AMMECR1L: variants seen among roughly 807,000 people sequenced by gnomAD.
AMMECR1L encodes AMMECR1 like.
AMMECR1L carries 4 observed loss-of-function variants against 36.8 expected under a neutral mutation model. That is an observed-to-expected ratio of 0.11 (90% confidence interval 0.05 to 0.25). The LOEUF (loss-of-function observed/expected upper bound fraction) is 0.25. AMMECR1L is among the 10% of genes least tolerant of loss of function. The probability of loss-of-function intolerance (pLI) is 1.00; values close to 1 mark genes in which losing one functional copy is unlikely to be tolerated. For missense variants in AMMECR1L, 232 were observed against 392.1 expected, an observed-to-expected ratio of 0.59 and a Z score of 3.45; for synonymous variants, 147 against 148.0, an observed-to-expected ratio of 0.99 and a Z score of 0.05.
rs1690862789 is a variant in AMMECR1L at position 127,869,572 on chromosome 2, T to C, written c.634-28A>G. The stretch of plus-strand genomic sequence containing the variant: ...ATAGAAAAAAGTACAACCAAGTAAA[T>C]GGCATTTACTTACTCTAATGGAACT... On this transcript the variant is annotated intron_variant, in intron 5 of 7. Coordinates refer to ENST00000272647, the MANE Select transcript of AMMECR1L (RefSeq NM_001199140.2). The surrounding 1 kb of genome is among the most constrained non-coding windows in gnomAD (Gnocchi z 4.7). 3.2e-6 allele frequency: 5 copies of C among 1,563,628 alleles called. No individual in the cohort carries two copies. The highest frequency in any genetic ancestry group is 4.5e-5 in the East Asian group (2 of 44,640).
In AMMECR1L at chr2:127,863,848, G is replaced by C. The variant is rs1017947921; in HGVS notation, c.*1246C>G. 6.6e-6 allele frequency: 1 copy of C among 152,630 alleles called. No homozygotes were observed. The allele number at this position is 152,630 out of a possible 1,614,324, so 9.5% of individuals were successfully genotyped here. A position where few individuals can be genotyped will look rare whatever the true frequency, so the allele number is the denominator to read the frequency against. ...GAGAGAGGAAAAAATTGCTGACAGCGATTTGGAAATCAGCAACAATGGGAA... is the reference window on the plus strand; with the variant it reads ...GAGAGAGGAAAAAATTGCTGACAGCCATTTGGAAATCAGCAACAATGGGAA... On this transcript the variant is annotated 3_prime_UTR_variant, in exon 8 of 8. Coordinates refer to ENST00000272647, the MANE Select transcript of AMMECR1L (RefSeq NM_001199140.2).
Position 127,866,702 on chromosome 2 carries a change from G to T in AMMECR1L, c.821+198C>A, listed in dbSNP as rs6745419. Among the ~76,000 whole-genome samples the T allele has an allele frequency of 6.7e-3, 1,027 of 152,260 alleles. 12 individuals carry two copies. The highest frequency in any genetic ancestry group is 0.023 in the African/African-American group (949 of 41,552). On this transcript the variant is annotated intron_variant, in intron 7 of 7. Coordinates refer to ENST00000272647, the MANE Select transcript of AMMECR1L (RefSeq NM_001199140.2). The stretch of plus-strand genomic sequence containing the variant: ...CTGCCCTGCTCCAACTGTGCCCCCA[G>T]CTCAGCTATGGAGACACACAGGATG...
Position 127,867,007 on chromosome 2 carries a change from G to C in AMMECR1L, c.725-11C>G, listed in dbSNP as rs1690715260. 6.2e-7 allele frequency: 1 copy of C among 1,613,846 alleles called. No homozygotes were observed. The highest frequency in any genetic ancestry group is 8.5e-7 in the Non-Finnish European group (1 of 1,179,834). ...GGATCTGATCCCAGTCTGGGGAGGA[G>C]AAAGGCCACACTGAGGTCAATGCAC... is the stretch of plus-strand genomic sequence containing the variant. On this transcript the variant is annotated splice_polypyrimidine_tract_variant and intron_variant, in intron 6 of 7. Coordinates refer to ENST00000272647, the MANE Select transcript of AMMECR1L (RefSeq NM_001199140.2).
At chr2:127,881,714 A>G (rs557356668) in intron 2 of AMMECR1L, among the ~76,000 whole-genome samples, 73 of 152,386 alleles carry the variant, frequency 4.8e-4, no homozygotes, top group Non-Finnish European at 9.0e-4. Context: ...TGATAAAAGT[A>G]GCGTTGGTTA....
At chr2:127,877,674 G>C (rs553137429) in intron 2 of AMMECR1L, among the ~76,000 whole-genome samples, 1 of 152,298 alleles carries the variant, frequency 6.6e-6, no homozygotes, top group East Asian at 1.9e-4. Flanking sequence ...GTATCAGGCT[G>C]TATGGCCTGG....
rs530434216 is a variant in AMMECR1L at position 127,863,184 on chromosome 2, C to G, written c.*1910G>C. On this transcript the variant is annotated 3_prime_UTR_variant, in exon 8 of 8. Coordinates refer to ENST00000272647, the MANE Select transcript of AMMECR1L (RefSeq NM_001199140.2). ...AGTCCAGAGCTGACCACCCTGACATCGATCCATGGCACCTAAGAGTAACCG... is the reference window on the plus strand; with the variant it reads ...AGTCCAGAGCTGACCACCCTGACATGGATCCATGGCACCTAAGAGTAACCG... The G allele has an allele frequency of 2.6e-5, 4 of 152,642 alleles. No individual in the cohort carries two copies. The East Asian group carries it at 7.7e-4, about 29-fold the overall frequency. The allele number at this position is 152,642 out of a possible 1,614,324, so 9.5% of individuals were successfully genotyped here.
chr2:127,877,953 G>A (rs1475250367), intron 2 of AMMECR1L, among the ~76,000 whole-genome samples: 1 of 152,066 alleles, frequency 6.6e-6, no homozygotes, highest in African/African-American at 2.4e-5. Context: ...AGCTACACAG[G>A]AGGCTGAAGC....
rs781212755 is a variant in AMMECR1L at position 127,874,271 on chromosome 2, C to T, written c.-37G>A. The T allele has an allele frequency of 6.3e-7, 1 of 1,593,616 alleles. No homozygotes were observed. The highest frequency in any genetic ancestry group is 1.1e-5 in the South Asian group (1 of 87,196). ...GCTCAAGGTCTGGAATGCTGCAGAA[C>T]CCTAACCAAAATGAGAAGTTAAGCA... On this transcript the variant is annotated splice_region_variant and 5_prime_UTR_variant, in exon 3 of 8. Transcript: ENST00000272647. The surrounding 1 kb of genome is among the most constrained non-coding windows in gnomAD (Gnocchi z 5.2).
chr2:127,871,539 G>C lies in AMMECR1L; in HGVS notation c.408-180C>G, dbSNP rs531506466. On this transcript the variant is annotated intron_variant, in intron 3 of 7. Transcript: ENST00000272647. The surrounding 1 kb of genome is among the most constrained non-coding windows in gnomAD (Gnocchi z 4.3). ...AACGGCACAGCCCCTGGCTGGAAAC[G>C]GGAAACCTACAAGGCAGCATAAGGA... Among the ~76,000 whole-genome samples, 1 of 152,122 alleles carries C rather than the reference G, an allele frequency of 6.6e-6. No homozygotes were observed. Among genetic ancestry groups the C allele is most frequent in the East Asian group, 1.9e-4 (1 of 5,192 alleles).
chr2:127,885,840 G>A lies in AMMECR1L; in HGVS notation c.-179C>T. The A allele has an allele frequency of 1.0e-6, 1 of 985,584 alleles. No homozygotes were observed. Among genetic ancestry groups the A allele is most frequent in the Non-Finnish European group, 1.2e-6 (1 of 829,880 alleles). The allele number at this position is 985,584 out of a possible 1,614,324, so 61.1% of individuals were successfully genotyped here. A position where few individuals can be genotyped will look rare whatever the true frequency, so the allele number is the denominator to read the frequency against. On this transcript the variant is annotated 5_prime_UTR_variant, in exon 1 of 8. Transcript: ENST00000272647. ...CTCCTGGCCCAGACGCGGCTGGGGC[G>A]GACGGGACCTCTCGCGCTCTGCCTC... is the stretch of plus-strand genomic sequence containing the variant.
At chr2:127,867,919 C>T (rs899911670) in intron 6 of AMMECR1L, among the ~76,000 whole-genome samples, 1 of 152,344 alleles carries the variant, frequency 6.6e-6, no homozygotes, top group East Asian at 1.9e-4. Flanking sequence ...GTCACCCAGG[C>T]TGAAGCGCAG....
At chr2:127,872,897 C>T (rs756187853) in intron 3 of AMMECR1L, 3 of 792,430 alleles carry the variant, frequency 3.8e-6, no homozygotes, top group Non-Finnish European at 3.1e-6. Flanking sequence ...CCCAAAAAAC[C>T]GAGCACACTT....
Position 127,871,357 on chromosome 2 carries a change from G to A in AMMECR1L, c.410C>T (p.Pro137Leu). 1 of 1,613,222 alleles carries A rather than the reference G, an allele frequency of 6.2e-7. No homozygotes were observed. Among genetic ancestry groups the A allele is most frequent in the Non-Finnish European group, 8.5e-7 (1 of 1,179,916 alleles). Residue 137 changes from proline to leucine, a missense_variant and splice_region_variant, in exon 4 of 8, where the codon CCG becomes CTG. Physicochemically the swap from Pro to Leu is moderately conservative, Grantham distance 98. Transcript: ENST00000272647. This position sits in a 1 kb window ranked among gnomAD's most constrained non-coding sequence, Gnocchi z 4.3. The stretch of plus-strand genomic sequence containing the variant: ...CCCTGTCTTCCACGTCACAAAGAGC[G>A]GACTAAAAAAAGCAAAACACAAAAC... Reference protein sequence around the residue: ...RLPRFTNDPYPLFVTWKTGRD... With the variant: ...RLPRFTNDPYLLFVTWKTGRD...
At position 127,863,010 on chromosome 2, in the gene AMMECR1L, G is replaced by A. The variant is rs1046428330; in HGVS notation, c.*2084C>T. The A allele has an allele frequency of 1.3e-5, 2 of 152,608 alleles. No homozygotes were observed. The highest frequency in any genetic ancestry group is 4.8e-5 in the African/African-American group (2 of 41,438). 9.5% of individuals were successfully genotyped at this position (152,608 alleles called of 1,614,324 possible). ...ATGCTTGCATGACCAGTCTCACTGA[G>A]CGTGCTCAGGGGTGAAGGTTTAGCA... On this transcript the variant is annotated 3_prime_UTR_variant, in exon 8 of 8. Transcript: ENST00000272647.
In AMMECR1L at chr2:127,872,851, G is replaced by C. The variant is rs576478894; in HGVS notation, c.407+977C>G. 31 of 335,682 alleles carry C rather than the reference G, an allele frequency of 9.2e-5. No individual in the cohort carries two copies. The Admixed American group carries it at 1.4e-3, about 15-fold the overall frequency. The allele number at this position is 335,682 out of a possible 1,614,324, so 20.8% of individuals were successfully genotyped here. On this transcript the variant is annotated intron_variant, in intron 3 of 7. Coordinates refer to ENST00000272647, the MANE Select transcript of AMMECR1L (RefSeq NM_001199140.2). Reference sequence around the variant, plus strand: ...CTTGGGATCTCCACCTGCTCAGTCAGGTGTTTTCTAACCATGTTACCCCAG... The same window carrying C: ...CTTGGGATCTCCACCTGCTCAGTCACGTGTTTTCTAACCATGTTACCCCAG...
intron 6 of AMMECR1L, among the ~76,000 whole-genome samples, chr2:127,868,647 T>C (rs1690813423): frequency 6.6e-6 from 1 of 151,986 alleles, no homozygotes; most frequent in African/African-American, 2.4e-5. Context: ...AAGGTACCCT[T>C]CTAGATATTC....
At chr2:127,877,773 T>C (rs1691316926) in intron 2 of AMMECR1L, among the ~76,000 whole-genome samples, 1 of 152,162 alleles carries the variant, frequency 6.6e-6, no homozygotes, top group Non-Finnish European at 1.5e-5. Flanking sequence ...AAATAAATTC[T>C]GGGCTGGGAG....
At position 127,873,418 on chromosome 2, in the gene AMMECR1L, A is replaced by G. The variant is rs1397561453; in HGVS notation, c.407+410T>C. The G allele has an allele frequency of 1.0e-6, 1 of 985,460 alleles. No homozygotes were observed. Among genetic ancestry groups the G allele is most frequent in the East Asian group, 1.1e-4 (1 of 8,800 alleles). 61.0% of individuals were successfully genotyped at this position (985,460 alleles called of 1,614,324 possible). On this transcript the variant is annotated intron_variant, in intron 3 of 7. Coordinates refer to ENST00000272647, the MANE Select transcript of AMMECR1L (RefSeq NM_001199140.2). This position sits in a 1 kb window ranked among gnomAD's most constrained non-coding sequence, Gnocchi z 5.2. ...CCCTGTTAACCAAATCGCAGATCCC[A>G]GTGAATGAGAGCTCCTAGTCTCCAG... is the stretch of plus-strand genomic sequence containing the variant.
intron 2 of AMMECR1L, among the ~76,000 whole-genome samples, chr2:127,875,387 C>T (rs1403038117): frequency 6.6e-6 from 1 of 151,902 alleles, no homozygotes; most frequent in African/African-American, 2.4e-5. Context: ...GAAAGAAGGG[C>T]AAGTGGGGGG....
Sources: gnomAD v4.1 joint callset for allele counts (sites outside exome capture counted in the v4.1 genomes callset) on GRCh38, gnomAD v4.1.1 for gene constraint, Gnocchi (gnomAD v3.1) non-coding constraint, MANE v1.5 for transcripts, NCBI Gene and HGNC (gene_info 2026-07-23, HGNC 2026-07-21) for gene names.